Variants in FANCD2OS observed in about 807,000 individuals in gnomAD.
FANCD2OS encodes the protein FANCD2 opposite strand protein.
FANCD2OS carries 11 observed loss-of-function variants against 13.2 expected under a neutral mutation model. That is an observed-to-expected ratio of 0.83 (90% CI 0.52 to 1.38). The LOEUF (loss-of-function observed/expected upper bound fraction) is 1.38. Among genes scored for constraint, FANCD2OS ranks in the 40% most tolerant of loss-of-function variants. The probability of loss-of-function intolerance (pLI) is 0.00; values close to 1 mark genes in which losing one functional copy is unlikely to be tolerated. For synonymous variants in FANCD2OS, 69 were observed against 84.5 expected (o/e 0.82, Z 1.01); for missense variants, 217 against 213.9 (o/e 1.01, Z -0.09).
chr3:10,099,439 A>G (rs1695172365), downstream of FANCD2OS: 2 of 590,968 alleles, frequency 3.4e-6, no homozygotes, highest in Admixed American at 5.0e-5. Context: ...GCTGCACAAC[A>G]TAACAAGACC....
At chr3:10,107,437 C>T (rs1354029427) in intron 1 of FANCD2OS, among the ~76,000 whole-genome samples, 1 of 151,976 alleles carries the variant, frequency 6.6e-6, no homozygotes, top group Non-Finnish European at 1.5e-5. Context: ...AGGCGCCTGC[C>T]ACCACGCCCG....
chr3:10,098,953 G>A (rs1407105237), downstream of FANCD2OS: 1 of 1,614,174 alleles, frequency 6.2e-7, no homozygotes, highest in South Asian at 1.1e-5. Context: ...CTCCATAACA[G>A]CTTCTGTGCT....
At chr3:10,094,209 G>A in intron 2 of FANCD2OS, 3 of 1,013,046 alleles carry the variant, frequency 3.0e-6, no homozygotes, top group South Asian at 2.5e-5. Context: ...AAACCCTTGG[G>A]CTGGATGAGA....
At chr3:10,099,844 C>G (rs1695199524), downstream of FANCD2OS, among the ~76,000 whole-genome samples, 1 of 152,212 alleles carries the variant, frequency 6.6e-6, no homozygotes, top group Admixed American at 6.5e-5. Context: ...TTAAGAACCC[C>G]TGCTGTGGGG....
chr3:10,090,192 G>C (rs778701257), intron 2 of FANCD2OS: 1 of 796,124 alleles, frequency 1.3e-6, no homozygotes, highest in East Asian at 2.6e-5. Flanking sequence ...AGGACATTTA[G>C]AGAGGTAGGG....
intron 2 of FANCD2OS, among the ~76,000 whole-genome samples, chr3:10,091,949 A>G (rs1429783957): frequency 6.6e-6 from 1 of 152,212 alleles, no homozygotes; most frequent in Non-Finnish European, 1.5e-5. Flanking sequence ...TTACTTGGGA[A>G]TTGCTGAAGA....
intron 2 of FANCD2OS, among the ~76,000 whole-genome samples, chr3:10,091,828 C>T (rs1460111165): frequency 1.3e-4 from 20 of 152,304 alleles, no homozygotes; most frequent in Admixed American, 1.2e-3. Flanking sequence ...GGTGCAGTGG[C>T]GCACGTCTGT....
chr3:10,103,083 T>A (rs1695365689), downstream of FANCD2OS: 1 of 438,856 alleles, frequency 2.3e-6, no homozygotes. Flanking sequence ...GTGGTGAAAC[T>A]CCATCTCTAC....
Position 10,104,173 on chromosome 3 carries a change from G to A in FANCD2OS, c.*68C>T. On this transcript the variant is annotated 3_prime_UTR_variant, in exon 2 of 2. Transcript: ENST00000450660. ...GTCACAGTTTCATTTACATGGACAG[G>A]TTTCTGTAAGCTTTAGGTACATACC... is the stretch of plus-strand genomic sequence containing the variant. The A allele has an allele frequency of 1.4e-6, 2 of 1,384,184 alleles. No individual in the cohort carries two copies. Among genetic ancestry groups the A allele is most frequent in the Non-Finnish European group, 2.0e-6 (2 of 1,021,276 alleles). The allele number at this position is 1,384,184 out of a possible 1,614,324, so 85.7% of individuals were successfully genotyped here. A position where few individuals can be genotyped will look rare whatever the true frequency, so the allele number is the denominator to read the frequency against.
chr3:10,085,981 G>A, intron 2 of FANCD2OS: 1 of 1,186,244 alleles, frequency 8.4e-7, no homozygotes, highest in Non-Finnish European at 1.3e-6. Context: ...GAACAGGATT[G>A]GCAACTTTCT....
At chr3:10,099,769 A>G (rs1695196099), downstream of FANCD2OS, 1 of 152,112 alleles carries the variant, frequency 6.6e-6, no homozygotes, top group Non-Finnish European at 1.5e-5. Flanking sequence ...ACAACAACAA[A>G]AAAGTGTACA....
chr3:10,093,241 A>G lies in FANCD2OS; in HGVS notation c.*43+10957T>C, dbSNP rs1295706290. On this transcript the variant is annotated intron_variant, in intron 2 of 2. Transcript: ENST00000524279. ...GCGGGAAAGAGGCTGGAGTGCTCAA[A>G]GGAGCAGATCTCAGCCTTGGTTTCT... 1.9e-6 allele frequency: 3 copies of G among 1,539,072 alleles called. No homozygotes were observed. The Admixed American group carries it at 5.0e-5, about 26-fold the overall frequency.
downstream of FANCD2OS, among the ~76,000 whole-genome samples, chr3:10,103,644 C>T (rs1695387454): frequency 1.3e-5 from 2 of 152,228 alleles, no homozygotes; most frequent in South Asian, 4.1e-4. Flanking sequence ...CTCATGAGTT[C>T]CATGTAGCCT....
intron 2 of FANCD2OS, among the ~76,000 whole-genome samples, chr3:10,093,096 C>T (rs965577348): frequency 1.3e-5 from 2 of 152,176 alleles, no homozygotes; most frequent in African/African-American, 4.8e-5. Flanking sequence ...TTGCTCGTCT[C>T]TTCCTTTTCT....
At chr3:10,101,920 G>A (rs1695318935), downstream of FANCD2OS, 1 of 181,744 alleles carries the variant, frequency 5.5e-6, no homozygotes, top group Admixed American at 6.3e-5. Context: ...AATAAATTCT[G>A]TTCTAAGTTC....
At chr3:10,105,705 C>T (rs1457768229) in intron 1 of FANCD2OS, among the ~76,000 whole-genome samples, 10 of 135,470 alleles carry the variant, frequency 7.4e-5, no homozygotes, top group African/African-American at 2.4e-4. Context: ...GAGTCAAGAT[C>T]GCACCACTGC....
At chr3:10,102,776 G>T (rs1307163427), downstream of FANCD2OS, 3 of 155,756 alleles carry the variant, frequency 1.9e-5, no homozygotes, top group Non-Finnish European at 4.2e-5. Context: ...CCGGGAGGTG[G>T]AGCTTGCAGT....
chr3:10,089,087 C>T, intron 2 of FANCD2OS: 1 of 954,988 alleles, frequency 1.0e-6, no homozygotes, highest in East Asian at 2.5e-5. Flanking sequence ...AGTTTTGAGA[C>T]CCACTTGGCC....
downstream of FANCD2OS, chr3:10,101,373 T>TCC: frequency 1.5e-6 from 1 of 665,256 alleles, no homozygotes; most frequent in Non-Finnish European, 2.6e-6. Flanking sequence ...CCTTTTTTGT[T>TCC]CCTCTTTTTT....
Sources: gnomAD v4.1 joint callset for allele counts (sites outside exome capture counted in the v4.1 genomes callset) on GRCh38, gnomAD v4.1.1 for gene constraint, MANE v1.5 for transcripts, NCBI Gene and HGNC (gene_info 2026-07-23, HGNC 2026-07-21) for gene names.